Variants in AUTS2 observed in about 807,000 individuals in gnomAD.
The protein encoded by AUTS2 is autism susceptibility gene 2 protein.
AUTS2 carries 17 observed loss-of-function variants against 112.4 expected under a neutral mutation model. The observed-to-expected ratio is 0.15, with a 90% CI of 0.10 to 0.23. The LOEUF (loss-of-function observed/expected upper bound fraction) is 0.23. AUTS2 is among the 10% of genes least tolerant of loss of function. The pLI is 1.00. For missense variants in AUTS2, 1,510 were observed against 1,701.6 expected (o/e 0.89, Z 1.98); for synonymous variants, 751 against 702.7 (o/e 1.07, Z -1.09).
chr7:70,495,784 A>C (rs1798446496), intron 5 of AUTS2, among the ~76,000 whole-genome samples: 1 of 141,782 alleles, frequency 7.1e-6, no homozygotes, highest in Admixed American at 6.9e-5. Context: ...ACAGTCACAC[A>C]CACACACACC....
Position 69,983,534 on chromosome 7 carries a change from G to A in AUTS2, c.522+84036G>A, listed in dbSNP as rs553916199. 7.9e-5 allele frequency among the ~76,000 whole-genome samples: 12 copies of A among 151,492 alleles called. No individual in the cohort carries two copies. In the South Asian group the frequency reaches 2.5e-3, roughly 32 times the overall value. On this transcript the variant is annotated intron_variant, in intron 2 of 18. Coordinates refer to ENST00000342771, the MANE Select transcript of AUTS2 (RefSeq NM_015570.4). ...TTGTACTGTGTGTGTGTGTGTGTGT[G>A]AAGGTTATGTGGGTATGACTGTGTA...
At chr7:69,998,217 A>G (rs1452955142) in intron 2 of AUTS2, among the ~76,000 whole-genome samples, 2 of 151,918 alleles carry the variant, frequency 1.3e-5, no homozygotes, top group Non-Finnish European at 2.9e-5. Flanking sequence ...TGTAAACTAT[A>G]CTCACTTTTT....
At chr7:70,064,673 C>T (rs1271105107) in intron 2 of AUTS2, among the ~76,000 whole-genome samples, 1 of 152,082 alleles carries the variant, frequency 6.6e-6, no homozygotes, top group Non-Finnish European at 1.5e-5. Context: ...AAATGTGGTA[C>T]CTGATGGACC....
chr7:70,318,682 G>A (rs1050995583), intron 4 of AUTS2, among the ~76,000 whole-genome samples: 1 of 152,148 alleles, frequency 6.6e-6, no homozygotes, highest in Non-Finnish European at 1.5e-5. Flanking sequence ...CAAGGAAGAG[G>A]GCTTCTAGAG....
At chr7:70,425,894 A>G (rs951825238) in intron 4 of AUTS2, among the ~76,000 whole-genome samples, 7 of 152,214 alleles carry the variant, frequency 4.6e-5, no homozygotes, top group Non-Finnish European at 1.0e-4. Context: ...CTTCCTATGT[A>G]TCAGGCAGTG....
At chr7:69,884,208 ACT>A (rs1794177465) in intron 1 of AUTS2, among the ~76,000 whole-genome samples, 1 of 152,214 alleles carries the variant, frequency 6.6e-6, no homozygotes, top group African/African-American at 2.4e-5. Context: ...GTAACTCAAA[ACT>A]CTGCTGAGCT....
intron 4 of AUTS2, among the ~76,000 whole-genome samples, chr7:70,376,230 G>A (rs1021335883): frequency 2.6e-5 from 4 of 152,080 alleles, no homozygotes; most frequent in Admixed American, 6.5e-5. Context: ...CTTGCAGTTC[G>A]CTTTACCTGC....
At chr7:70,506,695 G>A (rs752421371) in intron 5 of AUTS2, among the ~76,000 whole-genome samples, 7 of 152,230 alleles carry the variant, frequency 4.6e-5, no homozygotes, top group African/African-American at 1.7e-4. Flanking sequence ...GCAGTCCCAC[G>A]CTGCTCTCCT....
chr7:70,115,361 G>T (rs1468872897), intron 2 of AUTS2, among the ~76,000 whole-genome samples: 1 of 152,200 alleles, frequency 6.6e-6, no homozygotes, highest in East Asian at 1.9e-4. Flanking sequence ...TTTAAATAGA[G>T]ACGGGGTCTT....
At chr7:69,921,484 T>G (rs1795810616) in intron 2 of AUTS2, among the ~76,000 whole-genome samples, 1 of 151,976 alleles carries the variant, frequency 6.6e-6, no homozygotes, top group Non-Finnish European at 1.5e-5. Context: ...TTAGTAAACG[T>G]TGGCCGAGCA....
intron 4 of AUTS2, among the ~76,000 whole-genome samples, chr7:70,303,247 A>G (rs8180850): frequency 0.32 from 48,776 of 151,876 alleles, 8,353 homozygotes; most frequent in African/African-American, 0.44. Context: ...CTCGGAAATA[A>G]TAGGGGGTGA....
At chr7:69,993,507 G>A (rs1192290506) in intron 2 of AUTS2, among the ~76,000 whole-genome samples, 2 of 152,146 alleles carry the variant, frequency 1.3e-5, no homozygotes, top group African/African-American at 2.4e-5. Context: ...CACTTTGGGA[G>A]GCCAAGGAGG....
chr7:70,358,401 C>T (rs1052097027), intron 4 of AUTS2, among the ~76,000 whole-genome samples: 4 of 152,220 alleles, frequency 2.6e-5, no homozygotes, highest in African/African-American at 9.7e-5. Flanking sequence ...CTTCTCTTTC[C>T]AGCACCATGA....
chr7:69,738,797 T>C (rs964134261), intron 1 of AUTS2, among the ~76,000 whole-genome samples: 1 of 152,164 alleles, frequency 6.6e-6, no homozygotes, highest in East Asian at 1.9e-4. Context: ...CGGTTTTTTT[T>C]CCTCTTTGTT....
At chr7:69,755,399 T>G (rs1787906305) in intron 1 of AUTS2, among the ~76,000 whole-genome samples, 1 of 152,212 alleles carries the variant, frequency 6.6e-6, no homozygotes, top group African/African-American at 2.4e-5. Context: ...TCATCTTTAT[T>G]AAGCATACAG....
At chr7:70,404,404 A>C (rs1794447721) in intron 4 of AUTS2, among the ~76,000 whole-genome samples, 2 of 152,134 alleles carry the variant, frequency 1.3e-5, no homozygotes, top group South Asian at 4.1e-4. Flanking sequence ...TTTTCTTAGG[A>C]AATATTCAGT....
At chr7:69,864,510 G>C (rs1283238121) in intron 1 of AUTS2, among the ~76,000 whole-genome samples, 3 of 152,168 alleles carry the variant, frequency 2.0e-5, no homozygotes, top group Non-Finnish European at 1.5e-5. Context: ...TGAACACACA[G>C]ATGTCATCTT....
chr7:69,773,670 G>T (rs1055351008), intron 1 of AUTS2, among the ~76,000 whole-genome samples: 1 of 151,450 alleles, frequency 6.6e-6, no homozygotes, highest in East Asian at 1.9e-4. Flanking sequence ...GGAAGCAGGC[G>T]GTGCTTCAGT....
At chr7:69,889,505 T>TA (rs1794426004) in intron 1 of AUTS2, among the ~76,000 whole-genome samples, 1 of 152,228 alleles carries the variant, frequency 6.6e-6, no homozygotes, top group Non-Finnish European at 1.5e-5. Context: ...TTTTTGATAA[T>TA]ACCCGTCCTA....
Sources: allele counts gnomAD v4.1 joint callset (sites outside exome capture counted in the v4.1 genomes callset), GRCh38; gene constraint gnomAD v4.1.1; transcripts MANE v1.5; gene names NCBI Gene and HGNC (gene_info 2026-07-23, HGNC 2026-07-21).